The following DNAH6 variants were observed in gnomAD, a reference collection of about 807,000 sequenced individuals.
DNAH6 encodes dynein axonemal heavy chain 6.
DNAH6 carries 340 observed loss-of-function variants against 491.4 expected under a neutral mutation model. The ratio of observed to expected loss-of-function variants is 0.69; its 90% confidence interval spans 0.63 to 0.76. The LOEUF (loss-of-function observed/expected upper bound fraction) is 0.76, where lower values mean the gene tolerates loss of function less well. DNAH6 is among the 30% of genes least tolerant of loss of function. DNAH6 has a pLI of 0.00. For missense variants in DNAH6, 4,443 were observed against 4,972.2 expected (o/e 0.89, Z 3.20); for synonymous variants, 1,603 against 1,686.1 (o/e 0.95, Z 1.21).
chr2:84,495,765 A>T, the DNAH6 span, among the ~76,000 whole-genome samples: 22 of 152,088 alleles, frequency 1.4e-4, no homozygotes, highest in African/African-American at 5.3e-4. Context: ...GATATCACAA[A>T]CCCCTCAGAA....
At chr2:84,541,201 T>C (rs1367678751) in intron 4 of DNAH6, among the ~76,000 whole-genome samples, 2 of 152,078 alleles carry the variant, frequency 1.3e-5, no homozygotes, top group Non-Finnish European at 2.9e-5. Context: ...GGATAAACAC[T>C]TGGAGGCAGA....
At position 84,584,221 on chromosome 2, in the gene DNAH6, G is replaced by A. The variant is rs111548143; in HGVS notation, c.2452G>A (p.Glu818Lys). The A allele has an allele frequency of 3.1e-5, 50 of 1,613,996 alleles. No individual in the cohort carries two copies. The highest frequency in any genetic ancestry group is 8.0e-5 in the African/African-American group (6 of 75,024). ...TAGTGATCTTGAAGAATTAAACAAC[G>A]AAGTGAATGAAGTAAAACTGCAAGC... ...LGSDLEELNN[E>K]VNEVKLQAQD... Residue 818 changes from glutamate to lysine, a missense_variant, in exon 15 of 77, where the codon GAA (glutamate) becomes AAA (lysine). Physicochemically the swap from Glu to Lys is moderately conservative, Grantham distance 56 (BLOSUM62 1). Coordinates refer to ENST00000389394, the MANE Select transcript of DNAH6 (RefSeq NM_001370.2).
At chr2:84,472,461 A>G in the DNAH6 span, among the ~76,000 whole-genome samples, 1 of 152,050 alleles carries the variant, frequency 6.6e-6, no homozygotes, top group African/African-American at 2.4e-5. Flanking sequence ...GGCCCAGATA[A>G]AATGTGAATA....
chr2:84,606,941 G>T (rs766054675), intron 20 of DNAH6, 35 bp from the exon 21 acceptor site: 1 of 1,540,166 alleles, frequency 6.5e-7, no homozygotes, highest in South Asian at 1.2e-5. Flanking sequence ...ACAAATACTG[G>T]GTGCTGCATG....
the DNAH6 span, among the ~76,000 whole-genome samples, chr2:84,504,438 G>A: frequency 1.7e-4 from 26 of 152,052 alleles, no homozygotes; most frequent in African/African-American, 5.1e-4. Context: ...TACTGAGGTC[G>A]TGTTTTCCTG....
chr2:84,469,134 TAC>T, the DNAH6 span, among the ~76,000 whole-genome samples: 1 of 152,342 alleles, frequency 6.6e-6, no homozygotes, highest in Admixed American at 6.5e-5. This position sits in a 1 kb window ranked among gnomAD's most constrained non-coding sequence, Gnocchi z 4.0. Context: ...ATCAAAATTT[TAC>T]AGAGGAGATA....
intron 5 of DNAH6, among the ~76,000 whole-genome samples, chr2:84,546,306 A>G (rs1359496129): frequency 6.6e-6 from 1 of 152,174 alleles, no homozygotes; most frequent in African/African-American, 2.4e-5. Context: ...AAATCCTCCT[A>G]TATACTTTGT....
the DNAH6 span, among the ~76,000 whole-genome samples, chr2:84,492,950 A>G: frequency 6.6e-6 from 1 of 152,176 alleles, no homozygotes; most frequent in East Asian, 1.9e-4. Flanking sequence ...CTCCTAAAAT[A>G]AAAATGGTAC....
Position 84,710,380 on chromosome 2 carries a change from A to G in DNAH6, c.9346A>G (p.Ile3116Val), listed in dbSNP as rs531581389. ...TTTCTTACGAATACTCGAGAATTCA[A>G]TCCGACTTGGTTTACCTGTCTTACT... ...SNFLRILENS[I>V]RLGLPVLLEE... Residue 3116 changes from isoleucine to valine, a missense_variant, in exon 56 of 77, where the codon ATC becomes GTC. By Grantham distance (29) the Ile-to-Val change is conservative. Transcript: ENST00000389394. 12 of 1,551,852 alleles carry G rather than the reference A, an allele frequency of 7.7e-6. No individual in the cohort carries two copies. The highest frequency in any genetic ancestry group is 4.1e-5 in the African/African-American group (3 of 73,178).
chr2:84,503,564 T>C, the DNAH6 span, among the ~76,000 whole-genome samples: 1 of 152,180 alleles, frequency 6.6e-6, no homozygotes, highest in Non-Finnish European at 1.5e-5. Context: ...TCAGCATTTC[T>C]TGTAGGACAG....
rs1166667399 is a variant in DNAH6, at chr2:84,814,103, A to G, written c.12131A>G (p.Glu4044Gly). 1 of 1,551,678 alleles carries G rather than the reference A, an allele frequency of 6.4e-7. No homozygotes were observed. The highest frequency in any genetic ancestry group is 1.2e-5 in the South Asian group (1 of 84,052). ...EAAKTVQFGQ[E>G]LPMDMELPSP... ...GCCAAGACAGTGCAATTTGGACAAG[A>G]ACTGCCCATGGACATGGAGGTATTG... Residue 4044 changes from glutamate (E) to glycine (G), a missense_variant, in exon 75 of 77, where the codon GAA becomes GGA. Physicochemically the swap from Glu to Gly is moderately conservative, Grantham distance 98 (BLOSUM62 -2). Transcript: ENST00000389394.
intron 18 of DNAH6, among the ~76,000 whole-genome samples, chr2:84,603,305 A>C (rs73945146): frequency 0.011 from 1,734 of 152,118 alleles, 33 homozygotes; most frequent in African/African-American, 0.04. Flanking sequence ...GGCTAGGTTT[A>C]AGGGTTGATG....
the DNAH6 span, among the ~76,000 whole-genome samples, chr2:84,507,033 T>G: frequency 6.6e-6 from 1 of 152,360 alleles, no homozygotes; most frequent in African/African-American, 2.4e-5. Context: ...GGCTTAGGGT[T>G]GACTTGGCAC....
chr2:84,498,098 G>T, the DNAH6 span, among the ~76,000 whole-genome samples: 1 of 152,308 alleles, frequency 6.6e-6, no homozygotes, highest in East Asian at 1.9e-4. Flanking sequence ...AGGTACTGCA[G>T]AAAACCAAAC....
At chr2:84,743,066 T>G (rs1672662384) in intron 62 of DNAH6, among the ~76,000 whole-genome samples, 1 of 151,992 alleles carries the variant, frequency 6.6e-6, no homozygotes, top group Non-Finnish European at 1.5e-5. Context: ...GAGGTAGAGA[T>G]AGAACACAAA....
intron 70 of DNAH6, among the ~76,000 whole-genome samples, chr2:84,803,577 C>A (rs1045611623): frequency 1.8e-4 from 27 of 150,684 alleles, no homozygotes; most frequent in African/African-American, 6.1e-4. Context: ...TGCTAAAAAT[C>A]AAAAATGTTA....
intron 51 of DNAH6, among the ~76,000 whole-genome samples, chr2:84,704,951 T>C (rs1249823216): frequency 6.6e-6 from 1 of 152,176 alleles, no homozygotes; most frequent in Admixed American, 6.5e-5. Context: ...CTTAAACTGG[T>C]ACCTCGGTAG....
In DNAH6 at chr2:84,583,579, A is replaced by G. The variant is rs142856327; in HGVS notation, c.2230-420A>G. The stretch of plus-strand genomic sequence containing the variant: ...TATGGTTTGGCTGTATCTCCACCCA[A>G]ATCTCACCTTGAATTGAATTCCTAC... On this transcript the variant is annotated intron_variant, in intron 14 of 76. Coordinates refer to ENST00000389394, the MANE Select transcript of DNAH6 (RefSeq NM_001370.2). Among the ~76,000 whole-genome samples, 14 of 152,262 alleles carry G rather than the reference A, an allele frequency of 9.2e-5. No homozygotes were observed. The East Asian group carries it at 2.7e-3, about 29-fold the overall frequency.
chr2:84,506,889 T>TATATCA, the DNAH6 span, among the ~76,000 whole-genome samples: 4 of 152,212 alleles, frequency 2.6e-5, no homozygotes, highest in South Asian at 8.3e-4. Context: ...ATATGTGGCA[T>TATATCA]TATTTCTGAG....
Sources: gnomAD v4.1 joint callset for allele counts (sites outside exome capture counted in the v4.1 genomes callset) on GRCh38, gnomAD v4.1.1 for gene constraint, Gnocchi (gnomAD v3.1) non-coding constraint, MANE v1.5 for transcripts, NCBI Gene and HGNC (gene_info 2026-07-23, HGNC 2026-07-21) for gene names.